RAB18: variants seen among roughly 807,000 people sequenced by gnomAD.
RAB18 encodes RAB18, member RAS oncogene family.
RAB18 carries 10 observed loss-of-function variants against 28.5 expected under a neutral mutation model. The ratio of observed to expected loss-of-function variants is 0.35; its 90% confidence interval spans 0.22 to 0.60. The LOEUF is 0.60. Among genes scored for constraint, RAB18 ranks in the 20% least tolerant of loss-of-function variants. RAB18 has a pLI of 0.78. For missense variants in RAB18, 188 were observed against 244.2 expected (o/e 0.77, Z 1.53); for synonymous variants, 93 against 86.9 (o/e 1.07, Z -0.39).
At chr10:27,511,673 CAGA>C (rs1452970846) in intron 2 of RAB18, among the ~76,000 whole-genome samples, 1 of 152,186 alleles carries the variant, frequency 6.6e-6, no homozygotes, top group African/African-American at 2.4e-5. Context: ...AGCAATTCCA[CAGA>C]AGTGTTTTTC....
intron 2 of RAB18, among the ~76,000 whole-genome samples, chr10:27,524,976 C>T (rs1834642811): frequency 1.3e-5 from 2 of 152,180 alleles, no homozygotes; most frequent in South Asian, 4.1e-4. Context: ...TCAGTGTCTC[C>T]TGTGGATGGG....
intron 1 of RAB18, chr10:27,505,228 G>C (rs748482956): frequency 6.1e-6 from 3 of 488,964 alleles, no homozygotes; most frequent in Non-Finnish European, 1.2e-5. Context: ...CTAGAGGGCT[G>C]TGATTTCATC....
At chr10:27,530,199 A>G (rs1028278371) in intron 3 of RAB18, among the ~76,000 whole-genome samples, 1 of 152,004 alleles carries the variant, frequency 6.6e-6, no homozygotes, top group East Asian at 1.9e-4. Context: ...TCTTCCTGTT[A>G]TCAAAAAGTC....
chr10:27,532,887 T>C (rs1404818738), intron 4 of RAB18, among the ~76,000 whole-genome samples: 1 of 152,128 alleles, frequency 6.6e-6, no homozygotes. Context: ...GCTTCTGTTA[T>C]CAGCATATTA....
intron 3 of RAB18, among the ~76,000 whole-genome samples, chr10:27,530,140 A>G (rs777569856): frequency 7.2e-5 from 11 of 152,024 alleles, no homozygotes; most frequent in Non-Finnish European, 1.3e-4. Context: ...TTTTTCTGCC[A>G]GCTCTGGAAG....
intron 2 of RAB18, among the ~76,000 whole-genome samples, chr10:27,514,757 GT>G (rs954599218): frequency 1.3e-5 from 2 of 151,592 alleles, no homozygotes; most frequent in Admixed American, 6.6e-5. Context: ...AAAATTGCAA[GT>G]TTTTTTGTTT....
rs1308694284 is a variant in RAB18 at position 27,539,754 on chromosome 10, A to T, written c.*1703A>T. 4.4e-6 allele frequency: 2 copies of T among 450,486 alleles called. No individual in the cohort carries two copies. The highest frequency in any genetic ancestry group is 8.9e-6 in the Non-Finnish European group (2 of 225,792). 27.9% of individuals were successfully genotyped at this position (450,486 alleles called of 1,614,324 possible). A position where few individuals can be genotyped will look rare whatever the true frequency, so the allele number is the denominator to read the frequency against. ...ATATATGAGTTACTTGAATATAACA[A>T]AAATGAATTTTGTTTGATAGATTTA... On this transcript the variant is annotated 3_prime_UTR_variant, in exon 7 of 7. Coordinates refer to ENST00000356940, the MANE Select transcript of RAB18 (RefSeq NM_021252.5).
At chr10:27,513,943 A>G (rs1270663314) in intron 2 of RAB18, 7 of 152,346 alleles carry the variant, frequency 4.6e-5, no homozygotes, top group Admixed American at 2.6e-4. Context: ...GCAGGAAGTA[A>G]TATGTGTCTA....
chr10:27,523,265 CTTTTTTTT>C (rs34006982), intron 2 of RAB18, among the ~76,000 whole-genome samples: 73 of 79,520 alleles, frequency 9.2e-4, no homozygotes, highest in Non-Finnish European at 1.2e-3. Flanking sequence ...TTTTCTTCTT[CTTTTTTTT>C]TTTTTTTTTT....
chr10:27,509,316 G>A (rs1363638058), intron 1 of RAB18, among the ~76,000 whole-genome samples: 2 of 152,092 alleles, frequency 1.3e-5, no homozygotes, highest in African/African-American at 2.4e-5. Context: ...GTGTTTGCCC[G>A]AGTCTATCTA....
At position 27,540,752 on chromosome 10, in the gene RAB18, T is replaced by A. The variant is rs1243241866; in HGVS notation, c.*2701T>A. The A allele has an allele frequency of 2.2e-6, 1 of 453,992 alleles. No individual in the cohort carries two copies. The highest frequency in any genetic ancestry group is 2.0e-5 in the African/African-American group (1 of 50,012). 28.1% of individuals were successfully genotyped at this position (453,992 alleles called of 1,614,324 possible). On this transcript the variant is annotated 3_prime_UTR_variant, in exon 7 of 7. Coordinates refer to ENST00000356940, the MANE Select transcript of RAB18 (RefSeq NM_021252.5). Reference sequence around the variant, plus strand: ...TGAAATCTGGGGTGATGTTTTCATTTCATGTATTTGATTGCCATCCATAAA... The same window carrying A: ...TGAAATCTGGGGTGATGTTTTCATTACATGTATTTGATTGCCATCCATAAA...
Position 27,539,844 on chromosome 10 carries a change from G to A in RAB18, c.*1793G>A. ...GCTTTCCCTAGATGCATTTGTGTAG[G>A]AAGTATATACATTTCCCTATTACTC... On this transcript the variant is annotated 3_prime_UTR_variant, in exon 7 of 7. Transcript: ENST00000356940. The A allele has an allele frequency of 2.2e-6, 1 of 453,876 alleles. No homozygotes were observed. Among genetic ancestry groups the A allele is most frequent in the Non-Finnish European group, 4.4e-6 (1 of 226,672 alleles). 28.1% of individuals were successfully genotyped at this position (453,876 alleles called of 1,614,324 possible). A position where few individuals can be genotyped will look rare whatever the true frequency, so the allele number is the denominator to read the frequency against.
chr10:27,523,500 G>T (rs1382292568), intron 2 of RAB18, among the ~76,000 whole-genome samples: 1 of 151,028 alleles, frequency 6.6e-6, no homozygotes, highest in Non-Finnish European at 1.5e-5. Context: ...CTTCCTTTTG[G>T]GTAGTTTCTG....
intron 2 of RAB18, among the ~76,000 whole-genome samples, chr10:27,526,319 G>A (rs1006960656): frequency 1.1e-4 from 17 of 152,140 alleles, no homozygotes; most frequent in African/African-American, 4.1e-4. Context: ...TAAAAATAAA[G>A]AGATTATATG....
At chr10:27,522,997 T>A (rs1198887353) in intron 2 of RAB18, among the ~76,000 whole-genome samples, 1 of 152,082 alleles carries the variant, frequency 6.6e-6, no homozygotes, top group African/African-American at 2.4e-5. Context: ...TTTCTGTTTT[T>A]AATTTCTGGT....
chr10:27,519,467 G>T (rs1255464789), intron 2 of RAB18, among the ~76,000 whole-genome samples: 1 of 152,000 alleles, frequency 6.6e-6, no homozygotes, highest in African/African-American at 2.4e-5. Context: ...GATTGGAAAA[G>T]AAGAATGTAA....
At chr10:27,520,997 A>G (rs1440311199) in intron 2 of RAB18, among the ~76,000 whole-genome samples, 4 of 144,308 alleles carry the variant, frequency 2.8e-5, no homozygotes, top group Non-Finnish European at 4.6e-5. Flanking sequence ...ATTTTAATAT[A>G]TTGTATTTTT....
At chr10:27,529,054 AATT>A (rs1410188875) in intron 3 of RAB18, among the ~76,000 whole-genome samples, 1 of 151,994 alleles carries the variant, frequency 6.6e-6, no homozygotes, top group East Asian at 1.9e-4. Context: ...TATATAATAA[AATT>A]ATTAGCTCTT....
At chr10:27,514,237 C>T (rs1274791599) in intron 2 of RAB18, 1 of 152,138 alleles carries the variant, frequency 6.6e-6, no homozygotes, top group Non-Finnish European at 1.5e-5. Flanking sequence ...AAGAAAGAAA[C>T]AGAAAAACAA....
Sources: gnomAD v4.1 joint callset for allele counts (sites outside exome capture counted in the v4.1 genomes callset) on GRCh38, gnomAD v4.1.1 for gene constraint, MANE v1.5 for transcripts, NCBI Gene and HGNC (gene_info 2026-07-23, HGNC 2026-07-21) for gene names.